TMIGD3: variants seen among roughly 807,000 people sequenced by gnomAD.
The protein encoded by TMIGD3 is AD026 protein (AD026).
TMIGD3 carries 21 observed loss-of-function variants against 28.1 expected under a neutral mutation model. The observed-to-expected ratio is 0.75, with a 90% CI of 0.53 to 1.08. The LOEUF (loss-of-function observed/expected upper bound fraction) is 1.08, where lower values mean the gene tolerates loss of function less well. TMIGD3 is among the 50% of genes least tolerant of loss of function. The pLI is 0.00. For missense variants in TMIGD3, 416 were observed against 435.6 expected (o/e 0.96, Z 0.40); for synonymous variants, 151 against 162.1 (o/e 0.93, Z 0.52).
chr1:111,552,091 G>A (rs1657284735), intron 1 of TMIGD3, among the ~76,000 whole-genome samples: 1 of 152,190 alleles, frequency 6.6e-6, no homozygotes, highest in African/African-American at 2.4e-5. Flanking sequence ...CAGTAGCAAA[G>A]GCTAAAACAT....
chr1:111,486,718 C>T, intron 3 of TMIGD3, 66 bp from the exon 4 acceptor site: 2 of 1,302,002 alleles, frequency 1.5e-6, no homozygotes, highest in Non-Finnish European at 2.2e-6. Context: ...TGCCTCCCAG[C>T]TGCAGCTCTG....
chr1:111,507,009 A>ATGTG (rs1257817741), upstream of TMIGD3, among the ~76,000 whole-genome samples: 681 of 132,134 alleles, frequency 5.2e-3, 3 homozygotes, highest in African/African-American at 0.018. Flanking sequence ...ACACACACAT[A>ATGTG]TGTGTGTGTG....
At chr1:111,530,047 G>A (rs533789956) in intron 1 of TMIGD3, among the ~76,000 whole-genome samples, 1,682 of 150,636 alleles carry the variant, frequency 0.011, 37 homozygotes, top group African/African-American at 0.039. Context: ...CGGGCAGAGG[G>A]GCTCCTCACT....
intron 1 of TMIGD3, 126 bp from the exon 2 acceptor site, chr1:111,490,888 C>T (rs933657677): frequency 4.5e-6 from 3 of 668,530 alleles, no homozygotes; most frequent in Non-Finnish European, 7.8e-6. Flanking sequence ...CTGCACAATG[C>T]ACCATACCAC....
At chr1:111,489,333 G>A (rs186952824) in intron 2 of TMIGD3, 119 of 343,380 alleles carry the variant, frequency 3.5e-4, no homozygotes, top group Admixed American at 3.4e-3. Context: ...CTTATAAAAA[G>A]GAGAGATTAA....
Position 111,483,662 on chromosome 1 carries a change from T to A in TMIGD3, c.*25A>T. The stretch of plus-strand genomic sequence containing the variant: ...ATTATTCTGTTGTAGCATCACTTTA[T>A]GAACTAAATTAAAAAAATCTTCAGT... On this transcript the variant is annotated 3_prime_UTR_variant, in exon 6 of 6. Coordinates refer to ENST00000369716, the MANE Select transcript of TMIGD3 (RefSeq NM_020683.7). The A allele has an allele frequency of 6.4e-7, 1 of 1,571,480 alleles. No homozygotes were observed. The highest frequency in any genetic ancestry group is 1.4e-5 in the African/African-American group (1 of 74,066).
In TMIGD3 at chr1:111,549,309, C is replaced by CTT. The variant is rs767231547; in HGVS notation, c.107+14535_107+14536dup. Among the ~76,000 whole-genome samples, 319 of 125,576 alleles carry CTT rather than the reference C, an allele frequency of 2.5e-3. 2 individuals are homozygous for CTT. Among genetic ancestry groups the CTT allele is most frequent in the African/African-American group, 7.1e-3 (242 of 34,208 alleles). The allele number at this position is 125,576 out of a possible 152,430, so 82.4% of individuals were successfully genotyped here. ...ATCAGTGAAGCCATCCAGTCATGGG[C>CTT]TTTTTTTTTTTTTTTTCTTGTCTTT... On this transcript the variant is annotated intron_variant, in intron 1 of 5. Coordinates refer to the TMIGD3 transcript ENST00000369717.
chr1:111,553,511 C>T (rs1218731458), intron 1 of TMIGD3, among the ~76,000 whole-genome samples: 2 of 151,722 alleles, frequency 1.3e-5, no homozygotes, highest in Non-Finnish European at 2.9e-5. Flanking sequence ...AGTAAAATCT[C>T]CAGTGTTTCA....
At chr1:111,528,703 T>G (rs954273496) in intron 1 of TMIGD3, among the ~76,000 whole-genome samples, 1 of 152,214 alleles carries the variant, frequency 6.6e-6, no homozygotes, top group Non-Finnish European at 1.5e-5. Context: ...ATCTGAGTTT[T>G]ATAGTTTTTC....
At chr1:111,523,323 A>C (rs1656144263) in intron 1 of TMIGD3, among the ~76,000 whole-genome samples, 1 of 152,228 alleles carries the variant, frequency 6.6e-6, no homozygotes, top group African/African-American at 2.4e-5. Flanking sequence ...TTCTGGGATA[A>C]AGCCCACTTG....
rs1024827453 is a variant in TMIGD3, at chr1:111,486,509, A to T, written c.872+77T>A. Reference sequence around the variant, plus strand: ...GTTGTCGGTGCAAATCAACTGTCATATCATACTGCTGCCACCCCAGCCCCT... The same window carrying T: ...GTTGTCGGTGCAAATCAACTGTCATTTCATACTGCTGCCACCCCAGCCCCT... On this transcript the variant is annotated intron_variant, in intron 4 of 5. Coordinates refer to ENST00000369716, the MANE Select transcript of TMIGD3 (RefSeq NM_020683.7). The T allele has an allele frequency of 1.9e-5, 21 of 1,107,958 alleles. No individual in the cohort carries two copies. The African/African-American group carries it at 2.9e-4, about 15-fold the overall frequency. 68.6% of individuals were successfully genotyped at this position (1,107,958 alleles called of 1,614,324 possible).
intron 1 of TMIGD3, among the ~76,000 whole-genome samples, chr1:111,501,913 T>C (rs540457470): frequency 6.1e-4 from 93 of 151,308 alleles, no homozygotes; most frequent in African/African-American, 2.1e-3. Context: ...ATTTGGCAGT[T>C]CGTTCTATTC....
At chr1:111,500,471 T>G in intron 1 of TMIGD3, 2 of 1,614,216 alleles carry the variant, frequency 1.2e-6, no homozygotes, top group Non-Finnish European at 1.7e-6. Context: ...CAGCCAAACA[T>G]GGGGGTCAAT....
upstream of TMIGD3, among the ~76,000 whole-genome samples, chr1:111,504,435 C>T (rs1438740358): frequency 6.6e-6 from 1 of 152,220 alleles, no homozygotes; most frequent in Non-Finnish European, 1.5e-5. Flanking sequence ...GGGAATCAGC[C>T]CCCTCTCCCT....
chr1:111,486,483 A>C (rs1488636499), intron 4 of TMIGD3, 103 bp downstream of exon 4: 1 of 816,166 alleles, frequency 1.2e-6, no homozygotes, highest in East Asian at 2.5e-5. Context: ...GCAGTAGAAA[A>C]GTTGTCGGTG....
chr1:111,550,034 T>G (rs1160304195), intron 1 of TMIGD3, among the ~76,000 whole-genome samples: 1 of 152,162 alleles, frequency 6.6e-6, no homozygotes, highest in Non-Finnish European at 1.5e-5. Context: ...GACTTTCTAG[T>G]CTTTCTTGAG....
At chr1:111,530,783 T>A (rs184533175) in intron 1 of TMIGD3, among the ~76,000 whole-genome samples, 165 of 152,388 alleles carry the variant, frequency 1.1e-3, no homozygotes, top group African/African-American at 3.8e-3. Flanking sequence ...TTGATAATGA[T>A]GTTTCTTGAT....
chr1:111,517,689 A>G (rs1655913447), intron 1 of TMIGD3, among the ~76,000 whole-genome samples: 1 of 152,234 alleles, frequency 6.6e-6, no homozygotes, highest in Non-Finnish European at 1.5e-5. Context: ...AAGCCACTTC[A>G]AAGAGCTGTG....
chr1:111,539,701 G>A (rs1029380625), intron 1 of TMIGD3, among the ~76,000 whole-genome samples: 3 of 152,166 alleles, frequency 2.0e-5, no homozygotes, highest in African/African-American at 4.8e-5. Flanking sequence ...AGTCTCCACT[G>A]TCAATCATAA....
Sources: allele counts gnomAD v4.1 joint callset (sites outside exome capture counted in the v4.1 genomes callset), GRCh38; gene constraint gnomAD v4.1.1; transcripts MANE v1.5; gene names NCBI Gene and HGNC (gene_info 2026-07-23, HGNC 2026-07-21).